Variants in LRIG2 observed in about 807,000 individuals in gnomAD.
The protein encoded by LRIG2 is leucine-rich repeats and immunoglobulin-like domains protein 2.
A neutral mutation model predicts 107.8 loss-of-function variants in LRIG2; 93 were observed. The observed-to-expected ratio is 0.86, with a 90% CI of 0.73 to 1.03. The LOEUF is 1.03. Among genes scored for constraint, LRIG2 ranks in the 50% least tolerant of loss-of-function variants. The pLI is 0.00. For missense variants in LRIG2, 1,226 were observed against 1,296.0 expected (o/e 0.95, Z 0.83); for synonymous variants, 471 against 470.6 (o/e 1.00, Z -0.01).
At chr1:113,086,764 T>G (rs961013896) in intron 1 of LRIG2, among the ~76,000 whole-genome samples, 1 of 152,224 alleles carries the variant, frequency 6.6e-6, no homozygotes, top group African/African-American at 2.4e-5. Flanking sequence ...TTATTACAGC[T>G]ACATCCTTGT....
chr1:113,111,067 C>T (rs994738668), intron 13 of LRIG2, among the ~76,000 whole-genome samples: 5 of 152,112 alleles, frequency 3.3e-5, no homozygotes, highest in African/African-American at 1.2e-4. Context: ...TGGAGTCTCG[C>T]TCTGTCGCCC....
chr1:113,123,723 G>T (rs1570780465), intron 17 of LRIG2, 152 bp from the exon 18 acceptor site: 8 of 551,806 alleles, frequency 1.4e-5, no homozygotes, highest in Middle Eastern at 4.7e-4. Context: ...TCTGGTGGTG[G>T]TTTTTGTGTG....
chr1:113,073,610 G>T lies in LRIG2; in HGVS notation c.204G>T (p.Ala68=), dbSNP rs1159957749. 6.2e-7 allele frequency: 1 copy of T among 1,613,388 alleles called. No homozygotes were observed. The highest frequency in any genetic ancestry group is 8.5e-7 in the Non-Finnish European group (1 of 1,180,008). The change falls in exon 1 of 18, where the codon GCG becomes GCT. Residue 68 remains alanine, a synonymous_variant. Transcript: ENST00000361127. The stretch of plus-strand genomic sequence containing the variant: ...AATTGCCCGCACCGAGCTGGAGGGC[G>T]CTGTCGGGCTTGCTGCCCCCCGACA... The part of the protein sequence containing the change: ...RRKLPAPSWR[A]LSGLLPPDTA...
At chr1:113,122,994 A>G (rs1315759484) in intron 17 of LRIG2, among the ~76,000 whole-genome samples, 5 of 152,240 alleles carry the variant, frequency 3.3e-5, no homozygotes, top group African/African-American at 1.2e-4. Flanking sequence ...CTTTGGGAAA[A>G]TAGTTCACCA....
At chr1:113,076,498 A>G (rs773128916) in intron 1 of LRIG2, among the ~76,000 whole-genome samples, 1 of 152,226 alleles carries the variant, frequency 6.6e-6, no homozygotes, top group Non-Finnish European at 1.5e-5. Context: ...TGACTTAGAG[A>G]ACAATTCAGT....
In LRIG2 at chr1:113,100,365, A is replaced by G. The variant is rs1557908326; in HGVS notation, c.1245-55A>G. ...GTTTTCATGACCATGTAAAGTGTTT[A>G]TGTAACTTGATATAGAAATGGTGAC... On this transcript the variant is annotated intron_variant, in intron 10 of 17. Transcript: ENST00000361127. 16 of 1,432,472 alleles carry G rather than the reference A, an allele frequency of 1.1e-5. 2 individuals carry two copies. Among genetic ancestry groups the G allele is most frequent in the Non-Finnish European group, 1.4e-5 (14 of 1,021,662 alleles). The allele number at this position is 1,432,472 out of a possible 1,614,324, so 88.7% of individuals were successfully genotyped here. A position where few individuals can be genotyped will look rare whatever the true frequency, so the allele number is the denominator to read the frequency against.
At chr1:113,081,435 C>T (rs1653277950) in intron 1 of LRIG2, among the ~76,000 whole-genome samples, 1 of 151,532 alleles carries the variant, frequency 6.6e-6, no homozygotes, top group Non-Finnish European at 1.5e-5. Flanking sequence ...GAGACAGAGT[C>T]CTGCTCTGTC....
intron 11 of LRIG2, among the ~76,000 whole-genome samples, chr1:113,107,030 C>G (rs998332404): frequency 6.6e-6 from 1 of 151,904 alleles, no homozygotes; most frequent in South Asian, 2.1e-4. Context: ...ATTTCCCTCC[C>G]TCCTCCTCTC....
chr1:113,094,839 T>C (rs1390846031), intron 6 of LRIG2, 84 bp downstream of exon 6: 7 of 1,332,862 alleles, frequency 5.3e-6, no homozygotes, highest in Non-Finnish European at 7.3e-6. Context: ...GTAGTTGTTC[T>C]GATTATAGAG....
At position 113,129,656 on chromosome 1, in the gene LRIG2, C is replaced by T. The variant is rs1655630617; in HGVS notation, c.*5555C>T. The T allele has an allele frequency of 6.6e-6, 1 of 152,144 alleles. No individual in the cohort carries two copies. The highest frequency in any genetic ancestry group is 6.5e-5 in the Admixed American group (1 of 15,268). 9.4% of individuals were successfully genotyped at this position (152,144 alleles called of 1,614,324 possible). ...ATTAGTGTCCCATGAGTATTTCTTCCAGCAGAATCATGTCTGCCTAATGCT... is the reference window on the plus strand; with the variant it reads ...ATTAGTGTCCCATGAGTATTTCTTCTAGCAGAATCATGTCTGCCTAATGCT... On this transcript the variant is annotated 3_prime_UTR_variant, in exon 18 of 18. Coordinates refer to ENST00000361127, the MANE Select transcript of LRIG2 (RefSeq NM_014813.3).
At chr1:113,108,532 G>A (rs1290624585) in intron 12 of LRIG2, among the ~76,000 whole-genome samples, 2 of 150,886 alleles carry the variant, frequency 1.3e-5, no homozygotes, top group Non-Finnish European at 3.0e-5. Context: ...ACAATTTCAA[G>A]TATACTTCTA....
chr1:113,119,852 C>T (rs1305100021), intron 17 of LRIG2, among the ~76,000 whole-genome samples: 1 of 152,086 alleles, frequency 6.6e-6, no homozygotes, highest in Non-Finnish European at 1.5e-5. Context: ...CTGTGTCATC[C>T]AGGTTGGAAT....
Position 113,119,441 on chromosome 1 carries a change from A to G in LRIG2, c.2889A>G (p.Ser963=). ...DTTALESLIP[S]ANREPSAFPT... ...CTGCCCTAGAGAGCCTGATACCGTCAGCCAACAGAGAGCCATCTGCCTTTC... is the reference window on the plus strand; with the variant it reads ...CTGCCCTAGAGAGCCTGATACCGTCGGCCAACAGAGAGCCATCTGCCTTTC... The change falls in exon 17 of 18, where the codon TCA becomes TCG. Residue 963 remains serine, a synonymous_variant. Transcript: ENST00000361127. The G allele has an allele frequency of 6.2e-7, 1 of 1,614,182 alleles. No homozygotes were observed. Among genetic ancestry groups the G allele is most frequent in the Non-Finnish European group, 8.5e-7 (1 of 1,180,042 alleles).
Position 113,096,258 on chromosome 1 carries a change from A to G in LRIG2, c.984A>G (p.Glu328=), listed in dbSNP as rs1295510796. 1.2e-6 allele frequency: 2 copies of G among 1,614,184 alleles called. No individual in the cohort carries two copies. Among genetic ancestry groups the G allele is most frequent in the Non-Finnish European group, 8.5e-7 (1 of 1,180,034 alleles). ...LSYNQLTRLD[E]SAFVGLSLLE... is the part of the protein sequence containing the mutation. Reference sequence around the variant, plus strand: ...ATAACCAGCTGACCCGCCTGGATGAATCTGCCTTTGTGGGTCTGAGCTTAT... The same window carrying G: ...ATAACCAGCTGACCCGCCTGGATGAGTCTGCCTTTGTGGGTCTGAGCTTAT... The change falls in exon 8 of 18, where the codon GAA becomes GAG. Residue 328 remains glutamate (E), a synonymous_variant. Coordinates refer to ENST00000361127, the MANE Select transcript of LRIG2 (RefSeq NM_014813.3).
intron 17 of LRIG2, among the ~76,000 whole-genome samples, chr1:113,119,988 T>G (rs1266794208): frequency 1.3e-5 from 2 of 151,824 alleles, no homozygotes; most frequent in African/African-American, 4.8e-5. Context: ...TTTTGTATTT[T>G]TAGTAGAGGT....
In LRIG2 at chr1:113,123,997, G is replaced by C. The variant is rs952189262; in HGVS notation, c.3094G>C (p.Glu1032Gln). Residue 1032 changes from glutamate to glutamine, a missense_variant, in exon 18 of 18, where the codon GAG becomes CAG. Coordinates refer to ENST00000361127, the MANE Select transcript of LRIG2 (RefSeq NM_014813.3). ...LHQNEGLAGREPDCSASSMSC... is the reference protein window; with the variant it reads ...LHQNEGLAGRQPDCSASSMSC... The stretch of plus-strand genomic sequence containing the variant: ...TCAAAATGAGGGCCTGGCAGGGAGA[G>C]AGCCAGACTGTTCTGCTTCTTCCAT... 7 of 1,614,004 alleles carry C rather than the reference G, an allele frequency of 4.3e-6. No homozygotes were observed. The East Asian group carries it at 1.3e-4, about 31-fold the overall frequency.
Position 113,073,301 on chromosome 1 carries a change from G to A in LRIG2, c.-106G>A. ...TTAGATGGTACAGCCTTCAGCCGGGGCTTCGGGAGACAGTGCAGCCACCGA... is the reference window on the plus strand; with the variant it reads ...TTAGATGGTACAGCCTTCAGCCGGGACTTCGGGAGACAGTGCAGCCACCGA... On this transcript the variant is annotated 5_prime_UTR_variant, in exon 1 of 18. Coordinates refer to ENST00000361127, the MANE Select transcript of LRIG2 (RefSeq NM_014813.3). The A allele has an allele frequency of 2.2e-6, 2 of 917,864 alleles. No individual in the cohort carries two copies. Among genetic ancestry groups the A allele is most frequent in the Non-Finnish European group, 3.5e-6 (2 of 576,164 alleles). The allele number at this position is 917,864 out of a possible 1,614,324, so 56.9% of individuals were successfully genotyped here.
chr1:113,117,645 G>A (rs1322262379), intron 16 of LRIG2, among the ~76,000 whole-genome samples: 3 of 151,834 alleles, frequency 2.0e-5, no homozygotes, highest in South Asian at 2.1e-4. Context: ...CACCATACCC[G>A]GCTAATTTTT....
intron 11 of LRIG2, among the ~76,000 whole-genome samples, chr1:113,102,426 C>T (rs1052053716): frequency 1.3e-5 from 2 of 151,842 alleles, no homozygotes; most frequent in African/African-American, 4.8e-5. Context: ...CCCCCAACCA[C>T]GCCCGGTTAA....
Sources: gnomAD v4.1 joint callset for allele counts (sites outside exome capture counted in the v4.1 genomes callset) on GRCh38, gnomAD v4.1.1 for gene constraint, MANE v1.5 for transcripts, NCBI Gene and HGNC (gene_info 2026-07-23, HGNC 2026-07-21) for gene names.